Variants in ITGB3BP observed in about 807,000 individuals in gnomAD.
The protein encoded by ITGB3BP is integrin subunit beta 3 binding protein.
A neutral mutation model predicts 29.1 loss-of-function variants in ITGB3BP; 27 were observed. The ratio of observed to expected loss-of-function variants is 0.93; its 90% confidence interval spans 0.68 to 1.28. The LOEUF (loss-of-function observed/expected upper bound fraction) is 1.28. Among genes scored for constraint, ITGB3BP ranks in the 50% most tolerant of loss-of-function variants. The pLI is 0.00. For synonymous variants in ITGB3BP, 61 were observed against 61.4 expected (o/e 0.99, Z 0.03); for missense variants, 192 against 200.2 (o/e 0.96, Z 0.25).
At chr1:63,469,518 G>A (rs1351388488) in intron 4 of ITGB3BP, among the ~76,000 whole-genome samples, 1 of 152,044 alleles carries the variant, frequency 6.6e-6, no homozygotes, top group African/African-American at 2.4e-5. Context: ...TAGAGACGGG[G>A]TTTCTCCATG....
At chr1:63,522,499 C>CA (rs1646476470) in intron 1 of ITGB3BP, among the ~76,000 whole-genome samples, 1 of 152,076 alleles carries the variant, frequency 6.6e-6, no homozygotes, top group Non-Finnish European at 1.5e-5. Flanking sequence ...TTATGCATCT[C>CA]AATATAGGAT....
intron 1 of ITGB3BP, among the ~76,000 whole-genome samples, chr1:63,515,456 G>A (rs1646294298): frequency 6.6e-6 from 1 of 151,896 alleles, no homozygotes; most frequent in African/African-American, 2.4e-5. Flanking sequence ...GCTACTGCAA[G>A]TCACTTGCCT....
chr1:63,506,448 C>G (rs1274696267), intron 2 of ITGB3BP, among the ~76,000 whole-genome samples: 2 of 152,114 alleles, frequency 1.3e-5, no homozygotes, highest in Non-Finnish European at 2.9e-5. Context: ...TTCACTACCA[C>G]GAGGACAGTA....
At chr1:63,470,156 C>T (rs576338185) in intron 4 of ITGB3BP, among the ~76,000 whole-genome samples, 11 of 152,184 alleles carry the variant, frequency 7.2e-5, no homozygotes, top group Admixed American at 3.3e-4. Context: ...TTAATAAATA[C>T]GTGGGTAAAT....
rs1341629898 is a variant in ITGB3BP, at chr1:63,454,531, T to C, written c.334-58A>G. ...CTCTACACACATGAGATTACTGACA[T>C]GTCTAGTGAAAATACAGTATATTGT... On this transcript the variant is annotated intron_variant, in intron 5 of 8. Coordinates refer to ENST00000271002, the MANE Select transcript of ITGB3BP (RefSeq NM_014288.5). The surrounding 1 kb of genome is among the most constrained non-coding windows in gnomAD (Gnocchi z 4.1). 1.0e-5 allele frequency: 8 copies of C among 787,740 alleles called. No homozygotes were observed. Among genetic ancestry groups the C allele is most frequent in the Non-Finnish European group, 1.7e-5 (8 of 476,898 alleles). The allele number at this position is 787,740 out of a possible 1,614,324, so 48.8% of individuals were successfully genotyped here. A position where few individuals can be genotyped will look rare whatever the true frequency, so the allele number is the denominator to read the frequency against.
chr1:63,525,417 A>G (rs1646571271), upstream of ITGB3BP, among the ~76,000 whole-genome samples: 2 of 152,312 alleles, frequency 1.3e-5, no homozygotes, highest in Non-Finnish European at 2.9e-5. Context: ...ACTTCCACAT[A>G]TAAAACTTTT....
chr1:63,474,913 AATAAAAACAAAAC>A (rs1415445958), intron 4 of ITGB3BP, among the ~76,000 whole-genome samples: 65 of 15,876 alleles, frequency 4.1e-3, no homozygotes, highest in Admixed American at 8.0e-3. Flanking sequence ...AAATAAATAA[AATAAAAACAAAAC>A]AAAACAAAAA....
intron 1 of ITGB3BP, among the ~76,000 whole-genome samples, chr1:63,521,575 T>G (rs1049049980): frequency 6.6e-6 from 1 of 152,130 alleles, no homozygotes; most frequent in Non-Finnish European, 1.5e-5. Context: ...CTAACTCCTA[T>G]AGTCCCAGCA....
chr1:63,527,128 C>G (rs1364868753), upstream of ITGB3BP, among the ~76,000 whole-genome samples: 1 of 152,118 alleles, frequency 6.6e-6, no homozygotes, highest in Non-Finnish European at 1.5e-5. Context: ...TTTTTTGTTA[C>G]TGTTTTGAAA....
chr1:63,452,943 C>G (rs540508927), intron 7 of ITGB3BP, among the ~76,000 whole-genome samples: 1 of 152,202 alleles, frequency 6.6e-6, no homozygotes, highest in Admixed American at 6.5e-5. Context: ...AATTATGTGC[C>G]ATGTTTGAAT....
Position 63,446,827 on chromosome 1 carries a change from G to A in ITGB3BP, c.514C>T (p.Leu172Phe). The change falls in exon 8 of 9, where the codon CTT (leucine) becomes TTT (phenylalanine). Residue 172 changes from leucine (L) to phenylalanine (F), a missense_variant. Physicochemically the swap from Leu to Phe is conservative, Grantham distance 22. Transcript: ENST00000271002. ...GTACCTCAGTTTAAAATGGCTTTAA[G>A]GAATTCATAGCTGTCAAGATGACGT... ...ASRHLDSYEF[L>F]KAILN is the part of the protein sequence containing the mutation. The A allele has an allele frequency of 6.2e-7, 1 of 1,611,604 alleles. No individual in the cohort carries two copies. Among genetic ancestry groups the A allele is most frequent in the Non-Finnish European group, 8.5e-7 (1 of 1,178,226 alleles).
At chr1:63,447,714 C>T in intron 7 of ITGB3BP, 1 of 450,252 alleles carries the variant, frequency 2.2e-6, no homozygotes, top group South Asian at 1.6e-5. Flanking sequence ...AATAGGAACA[C>T]TTTTACACTG....
At chr1:63,481,956 A>C (rs1397748463) in intron 3 of ITGB3BP, among the ~76,000 whole-genome samples, 1 of 152,136 alleles carries the variant, frequency 6.6e-6, no homozygotes, top group Non-Finnish European at 1.5e-5. Flanking sequence ...CTGTGCTCTT[A>C]ACCATGATGC....
chr1:63,470,531 CT>C (rs1645178159), intron 4 of ITGB3BP, among the ~76,000 whole-genome samples: 1 of 152,114 alleles, frequency 6.6e-6, no homozygotes, highest in Admixed American at 6.6e-5. Context: ...ACTATGAAAC[CT>C]TTTGTGTCTA....
intron 2 of ITGB3BP, among the ~76,000 whole-genome samples, chr1:63,492,510 T>G (rs920889991): frequency 2.0e-5 from 3 of 152,110 alleles, no homozygotes; most frequent in African/African-American, 7.2e-5. Context: ...GGTTTAAAAG[T>G]AATCCTAGAA....
chr1:63,479,261 A>T (rs1046305684), intron 3 of ITGB3BP, among the ~76,000 whole-genome samples: 2 of 152,160 alleles, frequency 1.3e-5, no homozygotes, highest in African/African-American at 2.4e-5. Context: ...TACTCAGAAA[A>T]TAGTTAAGTT....
chr1:63,477,112 A>G (rs1645353285), intron 4 of ITGB3BP, among the ~76,000 whole-genome samples: 1 of 152,204 alleles, frequency 6.6e-6, no homozygotes, highest in South Asian at 2.1e-4. Flanking sequence ...CAGCTACTAA[A>G]AGCAAACAGA....
rs116038636 is a variant in ITGB3BP, at chr1:63,487,795, G to A, written c.184+2288C>T. On this transcript the variant is annotated intron_variant, in intron 3 of 8. Transcript: ENST00000271002. The stretch of plus-strand genomic sequence containing the variant: ...TCATGTACTACATATAATTGTACAT[G>A]CTACACTTTTATATGACTAGCAGCG... Among the ~76,000 whole-genome samples, 517 of 152,152 alleles carry A rather than the reference G, an allele frequency of 3.4e-3. 5 individuals are homozygous for A. The highest frequency in any genetic ancestry group is 0.011 in the African/African-American group (471 of 41,536).
intron 4 of ITGB3BP, among the ~76,000 whole-genome samples, chr1:63,472,270 A>G (rs560849022): frequency 2.3e-3 from 352 of 151,844 alleles, no homozygotes; most frequent in African/African-American, 8.2e-3. Context: ...CTGAATCTAC[A>G]GTGACTCCAT....
Sources: allele counts gnomAD v4.1 joint callset (sites outside exome capture counted in the v4.1 genomes callset), GRCh38; gene constraint gnomAD v4.1.1; non-coding constraint Gnocchi (gnomAD v3.1); transcripts MANE v1.5; gene names NCBI Gene and HGNC (gene_info 2026-07-23, HGNC 2026-07-21).